COL9A3: variants seen among roughly 807,000 people sequenced by gnomAD.
COL9A3 encodes collagen type IX alpha 3 chain.
A neutral mutation model predicts 110.2 loss-of-function variants in COL9A3; 82 were observed. The observed-to-expected ratio is 0.74, with a 90% CI of 0.62 to 0.89. The LOEUF is 0.89. COL9A3 is among the 40% of genes least tolerant of loss of function. The probability of loss-of-function intolerance (pLI) is 0.00; values close to 1 mark genes in which losing one functional copy is unlikely to be tolerated. For missense variants in COL9A3, 1,066 were observed against 981.3 expected (o/e 1.09, Z -1.15); for synonymous variants, 494 against 403.8 (o/e 1.22, Z -2.68).
At chr20:62,826,940 GGACA>G in intron 15 of COL9A3, 120 bp downstream of exon 15, 2 of 1,122,810 alleles carry the variant, frequency 1.8e-6, no homozygotes, top group Non-Finnish European at 2.6e-6. Context: ...GCTGTTCCCT[GGACA>G]CCCTGGGAGG....
rs765923984 is a variant in COL9A3, at chr20:62,817,531, G to A, written c.79-36G>A. On this transcript the variant is annotated intron_variant, in intron 1 of 31. Coordinates refer to ENST00000649368, the MANE Select transcript of COL9A3 (RefSeq NM_001853.4). ...GGGACGCCGGGTCAGGCCCACGGGG[G>A]CACCTGCGCTCCTTAATGAGTTTTC... The A allele has an allele frequency of 2.2e-5, 32 of 1,450,964 alleles. No individual in the cohort carries two copies. The African/African-American group carries it at 3.8e-4, about 17-fold the overall frequency. The allele number at this position is 1,450,964 out of a possible 1,614,324, so 89.9% of individuals were successfully genotyped here.
chr20:62,818,411 T>G, intron 2 of COL9A3, 107 bp from the exon 3 acceptor site: 2 of 1,083,738 alleles, frequency 1.8e-6, no homozygotes, highest in Non-Finnish European at 2.8e-6. Context: ...CTGCTGGGGC[T>G]GGGCCTCTGG....
intron 8 of COL9A3, 88 bp from the exon 9 acceptor site, chr20:62,822,023 T>A: frequency 1.1e-6 from 1 of 886,960 alleles, no homozygotes; most frequent in East Asian, 2.4e-5. Flanking sequence ...TGGTGGGAGC[T>A]GGGCGTGTCC....
Position 62,824,452 on chromosome 20 carries a change from G to GT in COL9A3, c.528dup (p.Ile177TyrfsTer36), listed in dbSNP as rs2147205530. 2 of 1,602,140 alleles carry GT rather than the reference G, an allele frequency of 1.2e-6. No individual in the cohort carries two copies. Among genetic ancestry groups the GT allele is most frequent in the Non-Finnish European group, 1.7e-6 (2 of 1,174,876 alleles). ...TGCTCTGTTTTCCGACAGTGCCCAA[G>GT]TATCTGCCCGCCAGGTCCCCCAGGG... On this transcript the variant is annotated frameshift_variant, in exon 11 of 32. Coordinates refer to ENST00000649368, the MANE Select transcript of COL9A3 (RefSeq NM_001853.4). LOFTEE classifies it high-confidence loss of function.
In COL9A3 at chr20:62,828,712, G is replaced by A. The variant is rs2063572549; in HGVS notation, c.901-52G>A. The stretch of plus-strand genomic sequence containing the variant: ...GCTGCCCCCAGGGCAGGACTGTAGA[G>A]GGAGGGAGGGGGGCCACTGCCCGAC... On this transcript the variant is annotated intron_variant, in intron 17 of 31. Transcript: ENST00000649368. The A allele has an allele frequency of 7.5e-6, 12 of 1,598,804 alleles. No individual in the cohort carries two copies. In the Admixed American group the frequency reaches 2.0e-4, roughly 27 times the overall value.
At chr20:62,819,190 C>A (rs148233256) in intron 3 of COL9A3, 32 bp from the exon 4 acceptor site, 1,634 of 1,605,256 alleles carry the variant, frequency 1.0e-3, no homozygotes, top group South Asian at 1.2e-3. Context: ...CCAGACCCCG[C>A]CTTCACATCT....
At chr20:62,822,217 G>A in intron 9 of COL9A3, 53 bp downstream of exon 9, 1 of 1,015,082 alleles carries the variant, frequency 9.9e-7, no homozygotes, top group Middle Eastern at 2.0e-4. Flanking sequence ...TAGGACACTG[G>A]GTTGGACCCT....
At chr20:62,822,681 G>C (rs1397854682) in intron 10 of COL9A3, 49 bp downstream of exon 10, 1 of 1,588,892 alleles carries the variant, frequency 6.3e-7, no homozygotes, top group Admixed American at 1.7e-5. Flanking sequence ...TGCCTACCTT[G>C]GGGGGAGGGG....
chr20:62,816,438 C>G (rs966387407), upstream of COL9A3: 1 of 152,318 alleles, frequency 6.6e-6, no homozygotes, highest in African/African-American at 2.4e-5. Flanking sequence ...TGGTCTTAGC[C>G]GGTAGCAACT....
At chr20:62,824,775 C>G (rs1347706493) in intron 11 of COL9A3, among the ~76,000 whole-genome samples, 193 bp from the exon 12 acceptor site, 1 of 152,200 alleles carries the variant, frequency 6.6e-6, no homozygotes, top group Non-Finnish European at 1.5e-5. Context: ...CCGCTCCTGA[C>G]CGCAGAGCGC....
chr20:62,835,774 TAGA>T (rs1473724354), intron 26 of COL9A3, 144 bp from the exon 27 acceptor site: 19 of 813,784 alleles, frequency 2.3e-5, no homozygotes, highest in Non-Finnish European at 3.8e-5. Context: ...AAAATGTATA[TAGA>T]AGAACGGAAG....
At chr20:62,821,033 G>A in intron 5 of COL9A3, 148 bp from the exon 6 acceptor site, 1 of 810,646 alleles carries the variant, frequency 1.2e-6, no homozygotes, top group Admixed American at 2.0e-5. Context: ...CAGGTCAAGA[G>A]GGCTCAGAGG....
chr20:62,832,316 C>G, intron 25 of COL9A3, 127 bp downstream of exon 25: 1 of 935,534 alleles, frequency 1.1e-6, no homozygotes, highest in Non-Finnish European at 1.7e-6. Flanking sequence ...TCTCCTCTTG[C>G]CGTGTCTGTC....
chr20:62,821,149 G>C (rs750155037), intron 5 of COL9A3, 32 bp from the exon 6 acceptor site: 1 of 1,611,104 alleles, frequency 6.2e-7, no homozygotes, highest in Non-Finnish European at 8.5e-7. Flanking sequence ...TAGAGGCCCA[G>C]CCCAACCTAG....
At chr20:62,833,588 A>G (rs2063612961) in intron 26 of COL9A3, among the ~76,000 whole-genome samples, 1 of 151,626 alleles carries the variant, frequency 6.6e-6, no homozygotes, top group African/African-American at 2.4e-5. Context: ...TATTTTTAGT[A>G]GAGACGGGGT....
chr20:62,826,743 C>A (rs764609211), intron 14 of COL9A3, 24 bp from the exon 15 acceptor site: 7 of 1,611,952 alleles, frequency 4.3e-6, no homozygotes, highest in Admixed American at 1.7e-5. Context: ...CAAGAGGACC[C>A]CGGATCCCCT....
Position 62,825,803 on chromosome 20 carries a change from C to T in COL9A3, c.631-14C>T, listed in dbSNP as rs904406734. On this transcript the variant is annotated splice_polypyrimidine_tract_variant and intron_variant, in intron 12 of 31. Transcript: ENST00000649368. ...CAGACTGGGCCGCTGACCACCCTATCCCCTCTGTTTCAGGGTGACCCTGGC... is the reference window on the plus strand; with the variant it reads ...CAGACTGGGCCGCTGACCACCCTATTCCCTCTGTTTCAGGGTGACCCTGGC... 2.6e-6 allele frequency: 4 copies of T among 1,552,212 alleles called. No homozygotes were observed. The highest frequency in any genetic ancestry group is 2.0e-5 in the Admixed American group (1 of 51,194).
At chr20:62,822,088 T>C (rs200635947) in intron 8 of COL9A3, 23 bp from the exon 9 acceptor site, 90 of 1,488,108 alleles carry the variant, frequency 6.0e-5, no homozygotes, top group Non-Finnish European at 6.8e-5. Flanking sequence ...TCCCACTCTG[T>C]CTAAGTCATA....
At position 62,820,911 on chromosome 20, in the gene COL9A3, C is replaced by G. The variant is rs3765460; in HGVS notation, c.310-270C>G. Among the ~76,000 whole-genome samples, 50,398 of 152,016 alleles carry G rather than the reference C, an allele frequency of 0.33. 9,107 individuals are homozygous for G. Among genetic ancestry groups the G allele is most frequent in the African/African-American group, 0.48 (19,898 of 41,430 alleles). ...GGCTTCCTGGTGGAGACAGGCACCC[C>G]GGGTCACTTCGGTGCCTCTCAGCCC... On this transcript the variant is annotated intron_variant, in intron 5 of 31. Transcript: ENST00000649368.
Sources: gnomAD v4.1 joint callset for allele counts (sites outside exome capture counted in the v4.1 genomes callset) on GRCh38, gnomAD v4.1.1 for gene constraint, MANE v1.5 for transcripts, NCBI Gene and HGNC (gene_info 2026-07-23, HGNC 2026-07-21) for gene names.